FGF14: variants seen among roughly 807,000 people sequenced by gnomAD.
FGF14 encodes the protein fibroblast growth factor homologous factor 4.
In FGF14, 5 loss-of-function variants were observed where a neutral mutation model predicts 25.5. The observed-to-expected ratio is 0.20, with a 90% CI of 0.10 to 0.41. The LOEUF (loss-of-function observed/expected upper bound fraction) is 0.41. Among genes scored for constraint, FGF14 ranks in the 10% least tolerant of loss-of-function variants. The probability of loss-of-function intolerance (pLI) is 1.00; values close to 1 mark genes in which losing one functional copy is unlikely to be tolerated. For missense variants in FGF14, 222 were observed against 320.1 expected, an observed-to-expected ratio of 0.69 and a Z score of 2.34; for synonymous variants, 138 against 118.3, an observed-to-expected ratio of 1.17 and a Z score of -1.08.
chr13:101,752,778 G>A (rs963496846), intron 3 of FGF14, among the ~76,000 whole-genome samples: 1 of 152,118 alleles, frequency 6.6e-6, no homozygotes, highest in African/African-American at 2.4e-5. Flanking sequence ...GGTTGCTCTA[G>A]CTCCAAACAT....
At chr13:102,126,378 T>C (rs775920794) in intron 1 of FGF14, among the ~76,000 whole-genome samples, 2 of 152,252 alleles carry the variant, frequency 1.3e-5, no homozygotes, top group African/African-American at 4.8e-5. Context: ...GGTTCATTCA[T>C]GTTGTAGAAC....
chr13:101,916,687 G>A lies in FGF14; in HGVS notation c.-42C>T. On this transcript the variant is annotated 5_prime_UTR_variant, in exon 1 of 5. Coordinates refer to ENST00000376143, the MANE Select transcript of FGF14 (RefSeq NM_004115.4). ...GGTCCGGGGAGGGAGGGCGCGGGAG[G>A]ACGGCGAGCCGGGGGCACCGGAGGG... 6.9e-7 allele frequency: 1 copy of A among 1,457,068 alleles called. No homozygotes were observed. The highest frequency in any genetic ancestry group is 9.1e-7 in the Non-Finnish European group (1 of 1,102,362). 90.3% of individuals were successfully genotyped at this position (1,457,068 alleles called of 1,614,324 possible).
intron 3 of FGF14, among the ~76,000 whole-genome samples, chr13:101,788,939 G>C (rs1333245265): frequency 3.2e-4 from 19 of 58,540 alleles, no homozygotes; most frequent in African/African-American, 8.7e-4. Flanking sequence ...GAGAGAGAGA[G>C]AGAGAGAGAC....
intron 3 of FGF14, among the ~76,000 whole-genome samples, chr13:101,812,684 C>T (rs1193209541): frequency 3.7e-4 from 6 of 16,060 alleles, no homozygotes; most frequent in Non-Finnish European, 7.2e-4. Flanking sequence ...TTTTTTTTTA[C>T]GGAGTTTTGC....
At chr13:102,217,358 A>G (rs2050418676) in intron 1 of FGF14, among the ~76,000 whole-genome samples, 1 of 152,226 alleles carries the variant, frequency 6.6e-6, no homozygotes, top group Admixed American at 6.5e-5. Context: ...GGAGAAGAAT[A>G]AGCCACTATC....
chr13:101,964,254 A>AT (rs36031578), intron 1 of FGF14, among the ~76,000 whole-genome samples: 8 of 151,700 alleles, frequency 5.3e-5, no homozygotes, highest in East Asian at 1.9e-4. Context: ...AGTTGTAAAG[A>AT]TTTTTTTTTA....
At chr13:102,220,796 A>G (rs2140955049) in intron 1 of FGF14, among the ~76,000 whole-genome samples, 2 of 152,332 alleles carry the variant, frequency 1.3e-5, no homozygotes, top group South Asian at 4.1e-4. Flanking sequence ...TCCAGAGCAT[A>G]AGATTATACA....
intron 3 of FGF14, among the ~76,000 whole-genome samples, chr13:101,825,302 T>C (rs886214656): frequency 2.6e-5 from 4 of 152,172 alleles, no homozygotes; most frequent in African/African-American, 9.7e-5. Flanking sequence ...AATGGAGAGT[T>C]GAAGTGTGTG....
rs1021149414 is a variant in FGF14 at position 101,717,743 on chromosome 13, A to G, written c.*5088T>C. 4 of 152,126 alleles carry G rather than the reference A, an allele frequency of 2.6e-5. No homozygotes were observed. Among genetic ancestry groups the G allele is most frequent in the African/African-American group, 9.7e-5 (4 of 41,430 alleles). The allele number at this position is 152,126 out of a possible 1,614,324, so 9.4% of individuals were successfully genotyped here. A position where few individuals can be genotyped will look rare whatever the true frequency, so the allele number is the denominator to read the frequency against. On this transcript the variant is annotated 3_prime_UTR_variant, in exon 5 of 5. Transcript: ENST00000376143. ...TCCTTCTGAGCTCCCAGGCCATACA[A>G]AAGCAACTTAAGGGTGGATTTGGCT...
intron 1 of FGF14, among the ~76,000 whole-genome samples, chr13:102,163,684 A>G (rs947896745): frequency 2.0e-5 from 3 of 152,150 alleles, no homozygotes; most frequent in African/African-American, 7.2e-5. Context: ...TGAGGAACAC[A>G]AAAGTATAGG....
intron 3 of FGF14, among the ~76,000 whole-genome samples, chr13:101,756,663 G>A (rs982006432): frequency 6.6e-6 from 1 of 152,166 alleles, no homozygotes; most frequent in Non-Finnish European, 1.5e-5. Context: ...AATCCAGGAG[G>A]CGGAGGTTGC....
At chr13:101,873,020 G>C (rs2045194457) in intron 2 of FGF14, among the ~76,000 whole-genome samples, 1 of 147,272 alleles carries the variant, frequency 6.8e-6, no homozygotes, top group Non-Finnish European at 1.5e-5. Context: ...TTCTACTGCA[G>C]ATACAGAAGA....
rs1186126791 is a variant in FGF14 at position 101,733,239 on chromosome 13, G to GA, written c.409-6430dup. ...TGGGCTGTGACTAATGCCCACAGGA[G>GA]AAAAAAAATTAGTTAATTGGTTGTG... On this transcript the variant is annotated intron_variant, in intron 3 of 4. Coordinates refer to ENST00000376143, the MANE Select transcript of FGF14 (RefSeq NM_004115.4). Among the ~76,000 whole-genome samples, 6 of 151,804 alleles carry GA rather than the reference G, an allele frequency of 4.0e-5. No individual in the cohort carries two copies. The South Asian group carries it at 6.2e-4, about 16-fold the overall frequency.
chr13:102,146,730 G>T (rs531959697), intron 1 of FGF14, among the ~76,000 whole-genome samples: 14 of 152,212 alleles, frequency 9.2e-5, no homozygotes, highest in Admixed American at 2.0e-4. Flanking sequence ...CCAAAAAACT[G>T]CCTGTGTTTA....
chr13:102,380,537 G>GAC (rs2058159034), intron 1 of FGF14, among the ~76,000 whole-genome samples: 1 of 152,100 alleles, frequency 6.6e-6, no homozygotes. Context: ...TACTTATGAT[G>GAC]ACAGGGCTTT....
At chr13:101,752,667 C>T (rs759918963) in intron 3 of FGF14, among the ~76,000 whole-genome samples, 10 of 152,264 alleles carry the variant, frequency 6.6e-5, no homozygotes, top group South Asian at 4.1e-4. Flanking sequence ...CTTGGTGCTT[C>T]TAGTGTTAGA....
At chr13:102,072,343 C>T (rs759642445) in intron 1 of FGF14, among the ~76,000 whole-genome samples, 36 of 151,916 alleles carry the variant, frequency 2.4e-4, no homozygotes, top group Non-Finnish European at 4.1e-4. Context: ...AAAATTGATT[C>T]GTAAACAATA....
At chr13:101,855,975 C>T (rs1413212912) in intron 3 of FGF14, among the ~76,000 whole-genome samples, 1 of 151,360 alleles carries the variant, frequency 6.6e-6, no homozygotes, top group Non-Finnish European at 1.5e-5. Context: ...GTGTGCAAGC[C>T]TTCTTGTACA....
intron 1 of FGF14, among the ~76,000 whole-genome samples, chr13:102,218,475 T>G (rs1025417582): frequency 1.3e-5 from 2 of 151,656 alleles, no homozygotes; most frequent in Non-Finnish European, 2.9e-5. Flanking sequence ...CTAGTTGAAT[T>G]GTGGAGAACT....
Sources: allele counts gnomAD v4.1 joint callset (sites outside exome capture counted in the v4.1 genomes callset), GRCh38; gene constraint gnomAD v4.1.1; transcripts MANE v1.5; gene names NCBI Gene and HGNC (gene_info 2026-07-23, HGNC 2026-07-21).